Variants in ATP13A2 observed in about 807,000 individuals in gnomAD.
ATP13A2 encodes the protein ATPase cation transporting 13A2.
A neutral mutation model predicts 138.3 loss-of-function variants in ATP13A2; 83 were observed. The observed-to-expected ratio is 0.60, with a 90% CI of 0.50 to 0.72. ATP13A2 has a LOEUF of 0.72. Ranked by LOEUF, ATP13A2 falls within the 30% of genes least tolerant of loss-of-function variation. ATP13A2 has a pLI of 0.00. For synonymous variants in ATP13A2, 663 were observed against 699.0 expected (o/e 0.95, Z 0.81); for missense variants, 1,402 against 1,606.4 (o/e 0.87, Z 2.17).
Position 16,986,137 on chromosome 1 carries a change from G to T in ATP13A2, c.*84C>A. The T allele has an allele frequency of 6.3e-7, 1 of 1,599,462 alleles. No homozygotes were observed. Among genetic ancestry groups the T allele is most frequent in the Non-Finnish European group, 8.5e-7 (1 of 1,174,178 alleles). ...GCCAACCTCAGGGATGTGGGAGGTG[G>T]TGGCGGTGGTGTTGCTGGAGAGGGG... On this transcript the variant is annotated 3_prime_UTR_variant, in exon 29 of 29. Coordinates refer to ENST00000326735, the MANE Select transcript of ATP13A2 (RefSeq NM_022089.4). This position sits in a 1 kb window ranked among gnomAD's most constrained non-coding sequence, Gnocchi z 6.9.
At position 16,993,617 on chromosome 1, in the gene ATP13A2, T is replaced by C. The variant is rs2077012131; in HGVS notation, c.1749+12A>G. The C allele has an allele frequency of 3.2e-6, 5 of 1,569,958 alleles. No individual in the cohort carries two copies. Among genetic ancestry groups the C allele is most frequent in the African/African-American group, 1.3e-5 (1 of 74,290 alleles). ...CCCAGAGGCAGGGGGCTGACCTGCT[T>C]GGCCTCCTCACCCAGCCAGTAGACT... On this transcript the variant is annotated intron_variant, in intron 16 of 28. Transcript: ENST00000326735.
rs372752692 is a variant in ATP13A2, at chr1:16,992,424, T to C, written c.1846-22A>G. On this transcript the variant is annotated intron_variant, in intron 17 of 28. Coordinates refer to ENST00000326735, the MANE Select transcript of ATP13A2 (RefSeq NM_022089.4). ...CCTCCTGCAGGGTTGGAGAGGCAGC[T>C]GAGGTGCTGGCTGGGGAGCCCACCC... The C allele has an allele frequency of 3.6e-4, 582 of 1,613,436 alleles. 1 individual carries two copies. The highest frequency in any genetic ancestry group is 4.4e-4 in the Non-Finnish European group (516 of 1,179,828).
chr1:17,011,847 G>A lies in ATP13A2; in HGVS notation c.-109C>T. On this transcript the variant is annotated 5_prime_UTR_variant, in exon 1 of 29. Transcript: ENST00000326735. This position sits in a 1 kb window ranked among gnomAD's most constrained non-coding sequence, Gnocchi z 7.3. ...GCGGTCCGGACGGCCCGGGGCGAGG[G>A]GCGCTGGGCTAGCGCGGGGCTGGAG... 6 of 1,016,300 alleles carry A rather than the reference G, an allele frequency of 5.9e-6. No individual in the cohort carries two copies. Among genetic ancestry groups the A allele is most frequent in the Non-Finnish European group, 7.1e-6 (6 of 841,346 alleles). 63.0% of individuals were successfully genotyped at this position (1,016,300 alleles called of 1,614,324 possible).
Position 16,987,273 on chromosome 1 carries a change from C to A in ATP13A2, c.2860-4G>T. The A allele has an allele frequency of 3.7e-6, 6 of 1,613,434 alleles. No homozygotes were observed. The highest frequency in any genetic ancestry group is 5.1e-6 in the Non-Finnish European group (6 of 1,179,698). ...GGTCACCCAGGTTGGTGTTGATCTG[C>A]CACAGGGAAGGGAGGACAGAGGGGA... On this transcript the variant is annotated splice_polypyrimidine_tract_variant and splice_region_variant and intron_variant, in intron 25 of 28. Transcript: ENST00000326735.
chr1:16,990,527 C>A (rs12126221), intron 20 of ATP13A2, among the ~76,000 whole-genome samples: 254 of 151,846 alleles, frequency 1.7e-3, no homozygotes, highest in Non-Finnish European at 3.1e-3. Context: ...CCTTTTTTTT[C>A]TTTTTTTAAG....
intron 6 of ATP13A2, among the ~76,000 whole-genome samples, chr1:17,003,674 T>C (rs894243439): frequency 6.6e-6 from 1 of 150,596 alleles, no homozygotes; most frequent in African/African-American, 2.4e-5. Context: ...TTCTTTTTTT[T>C]TTTTTTTGAG....
Position 17,011,721 on chromosome 1 carries a change from G to T in ATP13A2, c.10+8C>A. 5 of 1,487,174 alleles carry T rather than the reference G, an allele frequency of 3.4e-6. No homozygotes were observed. Among genetic ancestry groups the T allele is most frequent in the Non-Finnish European group, 4.4e-6 (5 of 1,125,322 alleles). The allele number at this position is 1,487,174 out of a possible 1,614,324, so 92.1% of individuals were successfully genotyped here. A position where few individuals can be genotyped will look rare whatever the true frequency, so the allele number is the denominator to read the frequency against. On this transcript the variant is annotated splice_region_variant and intron_variant, in intron 1 of 28. Transcript: ENST00000326735. The surrounding 1 kb of genome is among the most constrained non-coding windows in gnomAD (Gnocchi z 7.3). ...CGGGCTCGGGGCCGACCCGGACTCC[G>T]CACTCACCTGCGCTCATGCCGGCTC...
chr1:16,995,045 C>T lies in ATP13A2; in HGVS notation c.1542+931G>A, dbSNP rs539319909. On this transcript the variant is annotated intron_variant, in intron 15 of 28. Transcript: ENST00000326735. The surrounding 1 kb of genome is among the most constrained non-coding windows in gnomAD (Gnocchi z 4.1). ...TCTGTCAACCAGGCCACTGCCTACC[C>T]GGCCCTGTCCTGCTCCACCACTCCC... Among the ~76,000 whole-genome samples the T allele has an allele frequency of 2.6e-5, 4 of 152,338 alleles. No homozygotes were observed. Among genetic ancestry groups the T allele is most frequent in the East Asian group, 3.9e-4 (2 of 5,190 alleles).
In ATP13A2 at chr1:16,988,344, CA is replaced by C. The variant is rs2076809022; in HGVS notation, c.2739del (p.Ile913MetfsTer30). 6.2e-7 allele frequency: 1 copy of C among 1,614,056 alleles called. No individual in the cohort carries two copies. Among genetic ancestry groups the C allele is most frequent in the Admixed American group, 1.7e-5 (1 of 60,008 alleles). ...TACCTGATGACCATGGGCACGCACTCAATACTGGCCATGCTCGAGGTGAAGG... is the reference window on the plus strand; with the variant it reads ...TACCTGATGACCATGGGCACGCACTCATACTGGCCATGCTCGAGGTGAAGG... ...VSPFTSSMAS[I>X]ECVPMVIREG... is the part of the protein sequence containing the mutation. On this transcript the variant is annotated frameshift_variant, in exon 24 of 29. Transcript: ENST00000326735. LOFTEE classifies it high-confidence loss of function.
At chr1:17,001,754 A>T (rs1038356746) in intron 8 of ATP13A2, among the ~76,000 whole-genome samples, 2 of 152,048 alleles carry the variant, frequency 1.3e-5, no homozygotes, top group South Asian at 2.1e-4. Context: ...GTCTCTGGGG[A>T]CCCCATAGAT....
chr1:17,003,783 C>A (rs1373551264), intron 6 of ATP13A2, among the ~76,000 whole-genome samples: 1 of 151,794 alleles, frequency 6.6e-6, no homozygotes, highest in Admixed American at 6.6e-5. Flanking sequence ...CCTGCCTCAG[C>A]CTCCCAAGTA....
In ATP13A2 at chr1:17,004,622, T is replaced by C; in HGVS notation, c.477+70A>G. ...TAAAAGGTGGTGGGAGAACATGAAG[T>C]CTGACTCTCCCATTGCACAGATCAT... On this transcript the variant is annotated intron_variant, in intron 5 of 28. Transcript: ENST00000326735. This position sits in a 1 kb window ranked among gnomAD's most constrained non-coding sequence, Gnocchi z 4.1. 1.2e-6 allele frequency: 2 copies of C among 1,613,388 alleles called. No homozygotes were observed. The highest frequency in any genetic ancestry group is 2.2e-5 in the South Asian group (2 of 91,072).
At chr1:17,009,889 C>T (rs990667383) in intron 1 of ATP13A2, among the ~76,000 whole-genome samples, 1 of 152,098 alleles carries the variant, frequency 6.6e-6, no homozygotes, top group East Asian at 1.9e-4. Flanking sequence ...CTGTGGAAAC[C>T]TCCAGAGCCC....
At chr1:16,992,192 C>T (rs2076956142) in intron 18 of ATP13A2, 51 bp downstream of exon 18, 3 of 1,611,462 alleles carry the variant, frequency 1.9e-6, no homozygotes, top group Non-Finnish European at 2.5e-6. Flanking sequence ...GGTACCCACC[C>T]CATTCTGTGC....
At chr1:17,009,833 T>G (rs1205394196) in intron 1 of ATP13A2, among the ~76,000 whole-genome samples, 2 of 152,120 alleles carry the variant, frequency 1.3e-5, no homozygotes, top group Non-Finnish European at 2.9e-5. Context: ...CAGTCAACCT[T>G]GGCAAAGAGG....
chr1:16,996,094 G>A lies in ATP13A2; in HGVS notation c.1424C>T (p.Ala475Val). The change falls in exon 15 of 29, where the codon GCT becomes GTT. Residue 475 changes from alanine to valine, a missense_variant. Transcript: ENST00000326735. ...GTAGAGCGTGCACACAGTCATGGCA[G>A]CAGGCAGGGCAGGTGGCACCACCAC... ...VTVVVPPALP[A>V]AMTVCTLYAQ... 2 of 1,614,098 alleles carry A rather than the reference G, an allele frequency of 1.2e-6. No homozygotes were observed. Among genetic ancestry groups the A allele is most frequent in the Non-Finnish European group, 8.5e-7 (1 of 1,180,048 alleles).
In ATP13A2 at chr1:16,990,135, C is replaced by T. The variant is rs752487771; in HGVS notation, c.2404G>A (p.Gly802Ser). The T allele has an allele frequency of 1.4e-4, 220 of 1,614,148 alleles. No individual in the cohort carries two copies. The highest frequency in any genetic ancestry group is 1.4e-4 in the Non-Finnish European group (171 of 1,180,010). ...LPMESPTAVNGVKDPDQAASY... is the reference protein window; with the variant it reads ...LPMESPTAVNSVKDPDQAASY... ...CTCTGGGTTAGCCTCACCTTAACGC[C>T]ATTCACGGCTGTGGGGGACTCCATC... The change falls in exon 21 of 29, where the codon GGC (glycine) becomes AGC (serine). Residue 802 changes from glycine (G) to serine (S), a missense_variant. By Grantham distance (56) the Gly-to-Ser change is moderately conservative. Transcript: ENST00000326735.
chr1:16,990,308 T>A lies in ATP13A2; in HGVS notation c.2252-21A>T, dbSNP rs1361631387. 3 of 1,613,520 alleles carry A rather than the reference T, an allele frequency of 1.9e-6. No individual in the cohort carries two copies. The South Asian group carries it at 3.3e-5, about 18-fold the overall frequency. Reference sequence around the variant, plus strand: ...GTCCCCTGGGGGTTATGGGGCAAGGTGAGGGTCTGAGGCTATCCGGGGAGG... The same window carrying A: ...GTCCCCTGGGGGTTATGGGGCAAGGAGAGGGTCTGAGGCTATCCGGGGAGG... On this transcript the variant is annotated intron_variant, in intron 20 of 28. Transcript: ENST00000326735.
chr1:16,990,261 C>G lies in ATP13A2; in HGVS notation c.2278G>C (p.Val760Leu). Reference protein sequence around the residue: ...TGDNLQTAVTVARGCGMVAPQ... With the variant: ...TGDNLQTAVTLARGCGMVAPQ... ...GCCACCATGCCACAGCCCCGGGCCACAGTCACCGCTGTCTGCAGGTTGTCC... is the reference window on the plus strand; with the variant it reads ...GCCACCATGCCACAGCCCCGGGCCAGAGTCACCGCTGTCTGCAGGTTGTCC... The change falls in exon 21 of 29, where the codon GTG becomes CTG. Residue 760 changes from valine (V) to leucine (L), a missense_variant. Transcript: ENST00000326735. The G allele has an allele frequency of 6.2e-7, 1 of 1,614,078 alleles. No homozygotes were observed. The highest frequency in any genetic ancestry group is 1.1e-5 in the South Asian group (1 of 91,084).
Sources: allele counts gnomAD v4.1 joint callset (sites outside exome capture counted in the v4.1 genomes callset), GRCh38; gene constraint gnomAD v4.1.1; non-coding constraint Gnocchi (gnomAD v3.1); transcripts MANE v1.5; gene names NCBI Gene and HGNC (gene_info 2026-07-23, HGNC 2026-07-21).